Variants in CD320 observed in about 807,000 individuals in gnomAD.
CD320 encodes the protein CD320 molecule.
CD320 carries 16 observed loss-of-function variants against 22.1 expected under a neutral mutation model. The observed-to-expected ratio is 0.73, with a 90% CI of 0.49 to 1.10. The LOEUF (loss-of-function observed/expected upper bound fraction) is 1.10. Among genes scored for constraint, CD320 ranks in the 50% least tolerant of loss-of-function variants. The pLI, the probability that CD320 is intolerant of heterozygous loss-of-function variation, is 0.00. For missense variants in CD320, 388 were observed against 376.9 expected, an observed-to-expected ratio of 1.03 and a Z score of -0.24; for synonymous variants, 188 against 167.8, an observed-to-expected ratio of 1.12 and a Z score of -0.93.
chr19:8,306,324 A>G (rs941235003), intron 1 of CD320, among the ~76,000 whole-genome samples: 2 of 152,092 alleles, frequency 1.3e-5, no homozygotes, highest in Admixed American at 1.3e-4. Flanking sequence ...GGCCGCCTAA[A>G]CCCAGGGCAG....
At chr19:8,302,631 G>T in intron 4 of CD320, 26 bp from the exon 5 acceptor site, 1 of 1,610,934 alleles carries the variant, frequency 6.2e-7, no homozygotes, top group Non-Finnish European at 8.5e-7. Flanking sequence ...GGACAGAGGA[G>T]TAAGGAGGGG....
Position 8,305,147 on chromosome 19 carries a change from G to T in CD320, c.152C>A (p.Ser51Ter), listed in dbSNP as rs1205348342. Residue 51 changes from serine to a stop codon, truncating the protein, a stop_gained, in exon 2 of 5, where the codon TCA becomes TAA. Coordinates refer to ENST00000301458, the MANE Select transcript of CD320 (RefSeq NM_016579.4). LOFTEE classifies it high-confidence loss of function. ...GAACTTGGTGGGTGGGCACGAGCCTGAGCTGGGGCCTGCGAGATGGATGCA... is the reference window on the plus strand; with the variant it reads ...GAACTTGGTGGGTGGGCACGAGCCTTAGCTGGGGCCTGCGAGATGGATGCA... ...PTSAQAAGPS[S>*]GSCPPTKFQC... 1.2e-6 allele frequency: 2 copies of T among 1,606,724 alleles called. No homozygotes were observed. Among genetic ancestry groups the T allele is most frequent in the Non-Finnish European group, 1.7e-6 (2 of 1,176,880 alleles).
Position 8,305,071 on chromosome 19 carries a change from C to T in CD320, c.228G>A (p.Arg76=). The change falls in exon 2 of 5, where the codon AGG becomes AGA. Residue 76 remains arginine (R), a synonymous_variant. Coordinates refer to ENST00000301458, the MANE Select transcript of CD320 (RefSeq NM_016579.4). ...LCVPLTWRCD[R]DLDCSDGSDE... ...CGCTGCCATCGCTGCAGTCCAAGTC[C>T]CTGTCGCAGCGCCAGGTGAGGGGCA... is the stretch of plus-strand genomic sequence containing the variant. 6.2e-7 allele frequency: 1 copy of T among 1,612,226 alleles called. No individual in the cohort carries two copies. The highest frequency in any genetic ancestry group is 8.5e-7 in the Non-Finnish European group (1 of 1,179,934).
intron 1 of CD320, chr19:8,305,849 G>A (rs1233305517): frequency 6.6e-6 from 1 of 152,358 alleles, no homozygotes; most frequent in Admixed American, 6.5e-5. Flanking sequence ...GAGACTGAGG[G>A]ACGGGCCATT....
At chr19:8,307,002 G>A (rs889281351) in intron 1 of CD320, among the ~76,000 whole-genome samples, 1 of 152,026 alleles carries the variant, frequency 6.6e-6, no homozygotes, top group Non-Finnish European at 1.5e-5. Context: ...AACATCCTGA[G>A]AAAAAAGAGA....
intron 3 of CD320, 79 bp from the exon 4 acceptor site, chr19:8,303,059 T>G: frequency 4.0e-6 from 5 of 1,259,416 alleles, no homozygotes; most frequent in South Asian, 2.5e-5. Context: ...GGGGAGCCCT[T>G]GGGGTTTATC....
intron 1 of CD320, chr19:8,305,505 C>T (rs111744159): frequency 0.026 from 7,777 of 300,514 alleles, 578 homozygotes; most frequent in South Asian, 0.15. Context: ...GTCACGAGTT[C>T]GAGACCAGCC....
chr19:8,305,058 T>C lies in CD320; in HGVS notation c.241A>G (p.Ser81Gly), dbSNP rs1039681383. 4 of 1,611,114 alleles carry C rather than the reference T, an allele frequency of 2.5e-6. No individual in the cohort carries two copies. Among genetic ancestry groups the C allele is most frequent in the South Asian group, 2.2e-5 (2 of 91,080 alleles). ...TWRCDRDLDC[S>G]DGSDEEECRI... ...CACTCCTCCTCATCGCTGCCATCGC[T>C]GCAGTCCAAGTCCCTGTCGCAGCGC... The change falls in exon 2 of 5, where the codon AGC (serine) becomes GGC (glycine). Residue 81 changes from serine (S) to glycine (G), a missense_variant. Physicochemically the swap from Ser to Gly is moderately conservative, Grantham distance 56. Transcript: ENST00000301458.
rs551601691 is a variant in CD320 at position 8,302,488 on chromosome 19, G to A, written c.824C>T (p.Ser275Leu). ...TCAGGGCAGCGAGGTCTTCTGTTCT[G>A]ACAGCAGCAGGGACTCCTTCATGGC... ...LVAMKESLLL[S>L]EQKTSLP The change falls in exon 5 of 5, where the codon TCA becomes TTA. Residue 275 changes from serine (S) to leucine (L), a missense_variant. Ser to Leu is a moderately radical substitution (Grantham distance 145, BLOSUM62 -2). Transcript: ENST00000301458. 1 of 1,614,164 alleles carries A rather than the reference G, an allele frequency of 6.2e-7. No individual in the cohort carries two copies. Among genetic ancestry groups the A allele is most frequent in the Admixed American group, 1.7e-5 (1 of 60,018 alleles).
chr19:8,303,417 T>A (rs946859131), intron 3 of CD320, among the ~76,000 whole-genome samples: 3 of 127,538 alleles, frequency 2.4e-5, no homozygotes, highest in Non-Finnish European at 5.1e-5. Context: ...GTGCCCGGCC[T>A]TTTTTAAATT....
intron 3 of CD320, 72 bp from the exon 4 acceptor site, chr19:8,303,052 G>T (rs964182059): frequency 2.2e-6 from 3 of 1,351,732 alleles, no homozygotes; most frequent in Admixed American, 1.9e-5. Context: ...ATGCCCAGGG[G>T]AGCCCTTGGG....
At chr19:8,304,893 A>C (rs1970065204) in intron 2 of CD320, 138 bp downstream of exon 2, 1 of 979,178 alleles carries the variant, frequency 1.0e-6, no homozygotes, top group Non-Finnish European at 1.6e-6. Context: ...CCCGCTTCTT[A>C]TGACCCACAG....
At chr19:8,304,116 A>T (rs1970052857) in intron 2 of CD320, 28 bp from the exon 3 acceptor site, 1 of 1,232,130 alleles carries the variant, frequency 8.1e-7, no homozygotes, top group Admixed American at 2.0e-5. Flanking sequence ...TCAGGTCCCA[A>T]ATGCCCACCC....
chr19:8,305,336 T>C (rs774281782), intron 1 of CD320, 180 bp from the exon 2 acceptor site: 1 of 684,222 alleles, frequency 1.5e-6, no homozygotes, highest in Non-Finnish European at 2.4e-6. Flanking sequence ...TAGCAGTTCC[T>C]GGGCTCAAGA....
Position 8,308,284 on chromosome 19 carries a change from C to G in CD320, c.7G>C (p.Gly3Arg), listed in dbSNP as rs778033415. The change falls in exon 1 of 5, where the codon GGC becomes CGC. Residue 3 changes from glycine to arginine, a missense_variant. Gly to Arg is a moderately radical substitution (Grantham distance 125, BLOSUM62 -2). Coordinates refer to ENST00000301458, the MANE Select transcript of CD320 (RefSeq NM_016579.4). The stretch of plus-strand genomic sequence containing the variant: ...GCTCCAACCTGCGCCATCCAACCGC[C>G]GCTCATGCTGTCCCCACAGCGGCGC... MS[G>R]GWMAQVGAWR... is the part of the protein sequence containing the mutation. 2.5e-6 allele frequency: 4 copies of G among 1,587,598 alleles called. No homozygotes were observed. The African/African-American group carries it at 5.4e-5, about 21-fold the overall frequency.
In CD320 at chr19:8,305,046, C is replaced by T. The variant is rs1970068212; in HGVS notation, c.253G>A (p.Asp85Asn). The change falls in exon 2 of 5, where the codon GAT becomes AAT. Residue 85 changes from aspartate (D) to asparagine (N), a missense_variant. Coordinates refer to ENST00000301458, the MANE Select transcript of CD320 (RefSeq NM_016579.4). ...GGCCACTCACTGCACTCCTCCTCATCGCTGCCATCGCTGCAGTCCAAGTCC... is the reference window on the plus strand; with the variant it reads ...GGCCACTCACTGCACTCCTCCTCATTGCTGCCATCGCTGCAGTCCAAGTCC... ...DRDLDCSDGS[D>N]EEECRIEPCT... The T allele has an allele frequency of 1.2e-6, 2 of 1,609,028 alleles. No homozygotes were observed. Among genetic ancestry groups the T allele is most frequent in the Admixed American group, 1.7e-5 (1 of 59,996 alleles).
At chr19:8,303,437 C>T (rs567802417) in intron 3 of CD320, among the ~76,000 whole-genome samples, 1 of 150,304 alleles carries the variant, frequency 6.7e-6, no homozygotes, top group East Asian at 2.0e-4. Context: ...TTTTTTGAGA[C>T]AGAGTTTTGC....
chr19:8,304,725 T>C lies in CD320; in HGVS notation c.268+306A>G, dbSNP rs114311035. On this transcript the variant is annotated intron_variant, in intron 2 of 4. Transcript: ENST00000301458. ...TTTTTCTTTTTTTTTCCTGAGACAGTCTTACTCTGTTGCCCAGGCTGGAGT... is the reference window on the plus strand; with the variant it reads ...TTTTTCTTTTTTTTTCCTGAGACAGCCTTACTCTGTTGCCCAGGCTGGAGT... 2,535 of 364,572 alleles carry C rather than the reference T, an allele frequency of 7.0e-3. 69 individuals are homozygous for C. Among genetic ancestry groups the C allele is most frequent in the African/African-American group, 0.051 (2,433 of 47,704 alleles). The allele number at this position is 364,572 out of a possible 1,614,324, so 22.6% of individuals were successfully genotyped here. A position where few individuals can be genotyped will look rare whatever the true frequency, so the allele number is the denominator to read the frequency against.
chr19:8,302,707 C>T, intron 4 of CD320, 70 bp downstream of exon 4: 1 of 1,603,180 alleles, frequency 6.2e-7, no homozygotes. Flanking sequence ...GCAGCTCATC[C>T]CTCCCCACCC....
Sources: allele counts gnomAD v4.1 joint callset (sites outside exome capture counted in the v4.1 genomes callset), GRCh38; gene constraint gnomAD v4.1.1; transcripts MANE v1.5; gene names NCBI Gene and HGNC (gene_info 2026-07-23, HGNC 2026-07-21).